Variants in ROBO1 observed in about 807,000 individuals in gnomAD.
ROBO1 encodes the protein roundabout guidance receptor 1.
A neutral mutation model predicts 195.9 loss-of-function variants in ROBO1; 149 were observed. The observed-to-expected ratio is 0.76, with a 90% CI of 0.67 to 0.87. The LOEUF (loss-of-function observed/expected upper bound fraction) is 0.87. Ranked by LOEUF, ROBO1 falls within the 40% of genes least tolerant of loss-of-function variation. ROBO1 has a pLI of 0.00. For missense variants in ROBO1, 1,933 were observed against 2,068.3 expected, an observed-to-expected ratio of 0.93 and a Z score of 1.27; for synonymous variants, 816 against 733.2, an observed-to-expected ratio of 1.11 and a Z score of -1.82.
At chr3:79,481,713 G>A (rs1481401831) in intron 2 of ROBO1, among the ~76,000 whole-genome samples, 1 of 151,984 alleles carries the variant, frequency 6.6e-6, no homozygotes, top group Non-Finnish European at 1.5e-5. Context: ...TTTGTCCCCT[G>A]GCAATCTTAT....
chr3:79,735,364 C>G (rs1703334321), intron 1 of ROBO1, among the ~76,000 whole-genome samples: 1 of 152,148 alleles, frequency 6.6e-6, no homozygotes, highest in African/African-American at 2.4e-5. Flanking sequence ...ACAATGCAAG[C>G]TGACTCTTAT....
At chr3:79,370,984 G>T (rs1188334028) in intron 2 of ROBO1, among the ~76,000 whole-genome samples, 1 of 152,030 alleles carries the variant, frequency 6.6e-6, no homozygotes, top group African/African-American at 2.4e-5. Flanking sequence ...ATGGTTTCCA[G>T]CTCCATCCAT....
intron 7 of ROBO1, among the ~76,000 whole-genome samples, chr3:78,715,704 T>G (rs1311229482): frequency 6.6e-6 from 1 of 152,092 alleles, no homozygotes; most frequent in East Asian, 1.9e-4. Context: ...GCCCGGCTAA[T>G]TTTTGTATTT....
intron 2 of ROBO1, among the ~76,000 whole-genome samples, chr3:79,368,710 C>T (rs1421961397): frequency 6.6e-6 from 1 of 152,166 alleles, no homozygotes; most frequent in Admixed American, 6.5e-5. Context: ...TCCTCTCCCA[C>T]ATTCTACTGT....
At chr3:78,818,428 ACTAGAC>A (rs755433823) in intron 4 of ROBO1, among the ~76,000 whole-genome samples, 88 of 152,254 alleles carry the variant, frequency 5.8e-4, no homozygotes, top group Admixed American at 2.8e-3. Context: ...TCAATCCTCT[ACTAGAC>A]CACAAGTGCC....
At chr3:79,088,065 A>G (rs2079406374) in intron 3 of ROBO1, among the ~76,000 whole-genome samples, 1 of 152,144 alleles carries the variant, frequency 6.6e-6, no homozygotes, top group African/African-American at 2.4e-5. Flanking sequence ...CACAATACTA[A>G]ACTCAACTAG....
chr3:79,753,225 C>A (rs899397759), intron 1 of ROBO1, among the ~76,000 whole-genome samples: 5 of 151,908 alleles, frequency 3.3e-5, no homozygotes, highest in Non-Finnish European at 7.4e-5. Flanking sequence ...AAAATATTAA[C>A]ACTTAGTTCA....
At chr3:79,595,087 T>C (rs1168372295) in intron 1 of ROBO1, among the ~76,000 whole-genome samples, 1 of 151,918 alleles carries the variant, frequency 6.6e-6, no homozygotes, top group Non-Finnish European at 1.5e-5. Flanking sequence ...AACTAATATG[T>C]TCTATACATA....
chr3:79,314,767 C>G (rs2033657791), intron 2 of ROBO1, among the ~76,000 whole-genome samples: 1 of 152,168 alleles, frequency 6.6e-6, no homozygotes, highest in African/African-American at 2.4e-5. Flanking sequence ...TGTTCTCACA[C>G]AGTATATGTT....
intron 3 of ROBO1, among the ~76,000 whole-genome samples, chr3:78,962,559 CTCACGCCT>C (rs1354365099): frequency 6.6e-6 from 1 of 152,058 alleles, no homozygotes. Flanking sequence ...GGCGCGGTGG[CTCACGCCT>C]GTAATCCCAG....
chr3:79,422,284 CTAAGT>C (rs1160373228), intron 2 of ROBO1, among the ~76,000 whole-genome samples: 1 of 151,390 alleles, frequency 6.6e-6, no homozygotes. Context: ...CCTAGTGCAA[CTAAGT>C]TAAGCACTTT....
chr3:79,759,932 CT>C (rs1704596583), intron 1 of ROBO1, among the ~76,000 whole-genome samples: 1 of 151,864 alleles, frequency 6.6e-6, no homozygotes, highest in Non-Finnish European at 1.5e-5. Context: ...ATCAAAAGAC[CT>C]GAATGTAAAA....
intron 3 of ROBO1, among the ~76,000 whole-genome samples, chr3:78,980,874 T>C (rs1576506209): frequency 6.6e-6 from 1 of 152,210 alleles, no homozygotes; most frequent in South Asian, 2.1e-4. Flanking sequence ...AAATAATTAT[T>C]GGAAATAACT....
intron 4 of ROBO1, among the ~76,000 whole-genome samples, chr3:78,751,870 G>A (rs1168688920): frequency 6.6e-6 from 1 of 151,922 alleles, no homozygotes; most frequent in African/African-American, 2.4e-5. Context: ...ATTAAATATG[G>A]GCAATTTAAT....
chr3:79,420,869 A>C (rs2038195220), intron 2 of ROBO1, among the ~76,000 whole-genome samples: 1 of 152,164 alleles, frequency 6.6e-6, no homozygotes, highest in Non-Finnish European at 1.5e-5. Flanking sequence ...AAATCTCATC[A>C]CTGAGTATAG....
At chr3:79,313,936 A>G (rs2033612183) in intron 2 of ROBO1, among the ~76,000 whole-genome samples, 1 of 152,236 alleles carries the variant, frequency 6.6e-6, no homozygotes, top group South Asian at 2.1e-4. Flanking sequence ...GAAGGAATAC[A>G]TGAGGGTATA....
At chr3:79,166,419 C>A (rs2081064523) in intron 2 of ROBO1, among the ~76,000 whole-genome samples, 1 of 152,046 alleles carries the variant, frequency 6.6e-6, no homozygotes, top group African/African-American at 2.4e-5. Flanking sequence ...AGAATTATCT[C>A]CTGCACTTAA....
chr3:79,469,903 G>A (rs985767599), intron 2 of ROBO1, among the ~76,000 whole-genome samples: 1 of 152,080 alleles, frequency 6.6e-6, no homozygotes, highest in African/African-American at 2.4e-5. Flanking sequence ...TAAAAATATA[G>A]TATTTTGGAA....
intron 2 of ROBO1, among the ~76,000 whole-genome samples, chr3:79,261,591 T>C (rs2082939311): frequency 6.6e-6 from 1 of 152,058 alleles, no homozygotes; most frequent in African/African-American, 2.4e-5. Context: ...AGAGCTTGCA[T>C]TAAATCTGTT....
Sources: gnomAD v4.1 joint callset for allele counts (sites outside exome capture counted in the v4.1 genomes callset) on GRCh38, gnomAD v4.1.1 for gene constraint, MANE v1.5 for transcripts, NCBI Gene and HGNC (gene_info 2026-07-23, HGNC 2026-07-21) for gene names.